Variants in ARHGAP26 observed in about 807,000 individuals in gnomAD.
ARHGAP26 encodes the protein rho GTPase-activating protein 26.
A neutral mutation model predicts 104.8 loss-of-function variants in ARHGAP26; 38 were observed. The ratio of observed to expected loss-of-function variants is 0.36; its 90% CI spans 0.28 to 0.48. ARHGAP26 has a LOEUF of 0.48. Ranked by LOEUF, ARHGAP26 falls within the 20% of genes least tolerant of loss-of-function variation. The pLI is 0.99. For synonymous variants in ARHGAP26, 341 were observed against 340.0 expected (o/e 1.00, Z -0.03); for missense variants, 704 against 947.9 (o/e 0.74, Z 3.38).
intron 17 of ARHGAP26, among the ~76,000 whole-genome samples, chr5:143,111,945 T>A (rs1292952666): frequency 6.6e-6 from 1 of 152,066 alleles, no homozygotes; most frequent in Non-Finnish European, 1.5e-5. Context: ...AGGTACCTAG[T>A]GCAGCTGAGC....
chr5:143,228,055 T>C lies in ARHGAP26; in HGVS notation c.*5609T>C, dbSNP rs560807924. The C allele has an allele frequency of 4.5e-6, 1 of 221,138 alleles. No individual in the cohort carries two copies. Among genetic ancestry groups the C allele is most frequent in the Admixed American group, 5.8e-5 (1 of 17,378 alleles). The allele number at this position is 221,138 out of a possible 1,614,324, so 13.7% of individuals were successfully genotyped here. A position where few individuals can be genotyped will look rare whatever the true frequency, so the allele number is the denominator to read the frequency against. The stretch of plus-strand genomic sequence containing the variant: ...ATTCACTTTAGTCAGAACCAGAGTA[T>C]TGATAAACAAAATGTCAGTTACCTG... On this transcript the variant is annotated 3_prime_UTR_variant, in exon 23 of 23. Coordinates refer to ENST00000645722, the MANE Select transcript of ARHGAP26 (RefSeq NM_001135608.3).
chr5:142,849,195 T>C (rs902996554), intron 1 of ARHGAP26, among the ~76,000 whole-genome samples: 13 of 152,170 alleles, frequency 8.5e-5, no homozygotes, highest in Non-Finnish European at 8.8e-5. Context: ...ATTGAAACCA[T>C]CTCAGGATAA....
intron 6 of ARHGAP26, among the ~76,000 whole-genome samples, chr5:142,901,235 A>G (rs945621610): frequency 2.0e-5 from 3 of 152,224 alleles, no homozygotes; most frequent in East Asian, 1.9e-4. Flanking sequence ...TGTTTTTACC[A>G]TTCACTAAAG....
chr5:143,178,443 A>G (rs138986844), intron 20 of ARHGAP26, among the ~76,000 whole-genome samples: 97 of 152,316 alleles, frequency 6.4e-4, no homozygotes, highest in African/African-American at 2.3e-3. Flanking sequence ...AGAAACATAG[A>G]AAGATGGGAG....
intron 19 of ARHGAP26, among the ~76,000 whole-genome samples, chr5:143,138,231 A>G (rs988566139): frequency 5.3e-5 from 8 of 152,292 alleles, no homozygotes; most frequent in Non-Finnish European, 8.8e-5. Flanking sequence ...ATGGTTTCTC[A>G]TGCTCTGTGC....
intron 11 of ARHGAP26, among the ~76,000 whole-genome samples, chr5:142,978,053 A>G (rs1486364326): frequency 1.3e-5 from 2 of 152,206 alleles, no homozygotes; most frequent in Non-Finnish European, 2.9e-5. Context: ...CATCTTGAAA[A>G]TATTTTCCAT....
In ARHGAP26 at chr5:142,949,213, G is replaced by A. The variant is rs1554167335; in HGVS notation, c.1107+17088G>A. On this transcript the variant is annotated intron_variant, in intron 11 of 22. Transcript: ENST00000645722. ...AGAGAGAGAGAGAGAGAGAGAGAGA[G>A]AGAGAGAGGAGAGAGAGAGGAGAGA... Among the ~76,000 whole-genome samples, 25 of 64,140 alleles carry A rather than the reference G, an allele frequency of 3.9e-4. 4 individuals are homozygous for A. The highest frequency in any genetic ancestry group is 5.9e-4 in the Admixed American group (4 of 6,796). The allele number at this position is 64,140 out of a possible 152,430, so 42.1% of individuals were successfully genotyped here.
chr5:142,991,186 C>A (rs554740145), intron 11 of ARHGAP26, among the ~76,000 whole-genome samples: 1 of 152,336 alleles, frequency 6.6e-6, no homozygotes, highest in Admixed American at 6.5e-5. Context: ...CCCAGCCTTG[C>A]TGCCGCCTTG....
Position 143,097,738 on chromosome 5 carries a change from C to T in ARHGAP26, c.1539-23250C>T, listed in dbSNP as rs1436290876. On this transcript the variant is annotated intron_variant, in intron 17 of 22. Transcript: ENST00000645722. ...TCGGGAGGCTGAGGCAGGAGAATGGCATGAACCTGGGAGGCGGAGCTTGCA... is the reference window on the plus strand; with the variant it reads ...TCGGGAGGCTGAGGCAGGAGAATGGTATGAACCTGGGAGGCGGAGCTTGCA... Among the ~76,000 whole-genome samples the T allele has an allele frequency of 4.0e-5, 6 of 148,650 alleles. No homozygotes were observed. The Admixed American group carries it at 4.1e-4, about 10-fold the overall frequency.
At chr5:143,129,506 C>G (rs1334256605) in intron 18 of ARHGAP26, among the ~76,000 whole-genome samples, 1 of 152,146 alleles carries the variant, frequency 6.6e-6, no homozygotes, top group Admixed American at 6.5e-5. Context: ...TGTCCTCTGT[C>G]TCTCAAATTA....
chr5:142,948,242 T>A (rs1184641989), intron 11 of ARHGAP26, among the ~76,000 whole-genome samples: 1 of 151,998 alleles, frequency 6.6e-6, no homozygotes, highest in Non-Finnish European at 1.5e-5. Flanking sequence ...TCAGAAGGCT[T>A]ATTAGAGCCC....
At chr5:142,992,495 G>T (rs570541505) in intron 11 of ARHGAP26, among the ~76,000 whole-genome samples, 39 of 151,028 alleles carry the variant, frequency 2.6e-4, no homozygotes, top group Admixed American at 2.6e-3. Context: ...GTGCAGTGGC[G>T]TAATCTCTGC....
At chr5:142,815,804 T>C (rs188076425) in intron 1 of ARHGAP26, among the ~76,000 whole-genome samples, 33 of 152,200 alleles carry the variant, frequency 2.2e-4, no homozygotes, top group Non-Finnish European at 4.3e-4. Context: ...CTTTTCTTCT[T>C]ATTTTTTTGA....
chr5:143,180,448 C>A (rs6867173), intron 20 of ARHGAP26, among the ~76,000 whole-genome samples: 1 of 152,042 alleles, frequency 6.6e-6, no homozygotes, highest in Non-Finnish European at 1.5e-5. Context: ...TGATCTTGTC[C>A]CTTTCTGTAG....
chr5:143,089,172 G>A (rs1311055670), intron 17 of ARHGAP26, among the ~76,000 whole-genome samples: 1 of 152,066 alleles, frequency 6.6e-6, no homozygotes, highest in East Asian at 1.9e-4. Context: ...TTTTTAACGT[G>A]TCTTGGCTTA....
At chr5:143,191,873 C>T (rs1333631747) in intron 20 of ARHGAP26, among the ~76,000 whole-genome samples, 4 of 152,154 alleles carry the variant, frequency 2.6e-5, no homozygotes, top group East Asian at 1.9e-4. Flanking sequence ...TTAGGCAAGC[C>T]GACAAGTGGC....
intron 11 of ARHGAP26, 92 bp from the exon 12 acceptor site, chr5:143,013,988 C>T (rs1047032425): frequency 1.5e-6 from 2 of 1,297,588 alleles, no homozygotes; most frequent in Non-Finnish European, 2.2e-6. Context: ...ATGGTGCAAA[C>T]TAGGGAAAGT....
chr5:142,806,762 A>T (rs1763072336), intron 1 of ARHGAP26, among the ~76,000 whole-genome samples: 1 of 152,182 alleles, frequency 6.6e-6, no homozygotes, highest in Admixed American at 6.5e-5. Context: ...TATGCAGTTG[A>T]TGGGCACATG....
intron 1 of ARHGAP26, among the ~76,000 whole-genome samples, chr5:142,793,713 G>A (rs1760357365): frequency 6.6e-6 from 1 of 151,930 alleles, no homozygotes; most frequent in Non-Finnish European, 1.5e-5. Flanking sequence ...TCAGCTTCTC[G>A]AGTAGCTGGG....
Sources: allele counts gnomAD v4.1 joint callset (sites outside exome capture counted in the v4.1 genomes callset), GRCh38; gene constraint gnomAD v4.1.1; transcripts MANE v1.5; gene names NCBI Gene and HGNC (gene_info 2026-07-23, HGNC 2026-07-21).